The following CPNE8 variants were observed in gnomAD, a reference collection of about 807,000 sequenced individuals.
CPNE8 encodes copine 8, also known as copine-8.
In CPNE8, 45 loss-of-function variants were observed where a neutral mutation model predicts 81.5. That is an observed-to-expected ratio of 0.55 (90% CI 0.44 to 0.71). The LOEUF (loss-of-function observed/expected upper bound fraction) is 0.71. Among genes scored for constraint, CPNE8 ranks in the 30% least tolerant of loss-of-function variants. The pLI is 0.00. For synonymous variants in CPNE8, 252 were observed against 226.3 expected, an observed-to-expected ratio of 1.11 and a Z score of -1.02; for missense variants, 594 against 672.1, an observed-to-expected ratio of 0.88 and a Z score of 1.28.
chr12:38,827,013 CA>C (rs56670584), intron 6 of CPNE8, among the ~76,000 whole-genome samples: 34,841 of 91,672 alleles, frequency 0.38, 4,809 homozygotes, highest in Non-Finnish European at 0.45. Context: ...ACTAAAAATA[CA>C]AAAAAAAAAA....
chr12:38,691,513 A>G (rs1939675744), intron 15 of CPNE8, among the ~76,000 whole-genome samples: 1 of 152,192 alleles, frequency 6.6e-6, no homozygotes, highest in Non-Finnish European at 1.5e-5. Flanking sequence ...AAAGAAAAAC[A>G]AAAGTGCTTT....
chr12:38,724,014 C>CA (rs1376383134), intron 12 of CPNE8, among the ~76,000 whole-genome samples, 181 bp from the exon 13 acceptor site: 4 of 151,948 alleles, frequency 2.6e-5, no homozygotes, highest in Admixed American at 2.6e-4. Context: ...GGAAAGGGAC[C>CA]AAAAAAATTA....
intron 6 of CPNE8, among the ~76,000 whole-genome samples, chr12:38,795,868 G>GATAGATAGATAT (rs1327211591): frequency 1.3e-3 from 2 of 1,564 alleles, no homozygotes; most frequent in East Asian, 0.036. Flanking sequence ...TGGATGGATG[G>GATAGATAGATAT]ATAGATAGAT....
intron 13 of CPNE8, among the ~76,000 whole-genome samples, chr12:38,707,396 A>C (rs2136701374): frequency 6.6e-6 from 1 of 152,258 alleles, no homozygotes; most frequent in Non-Finnish European, 1.5e-5. Flanking sequence ...TTATGAAACC[A>C]TGTAGACTAT....
chr12:38,817,148 T>C (rs533279248), intron 6 of CPNE8, among the ~76,000 whole-genome samples: 23 of 152,274 alleles, frequency 1.5e-4, no homozygotes, highest in African/African-American at 5.3e-4. Flanking sequence ...TCTGTAGAGT[T>C]AGAGACTGGG....
intron 10 of CPNE8, among the ~76,000 whole-genome samples, chr12:38,734,581 C>A (rs1178821277): frequency 1.3e-5 from 2 of 151,982 alleles, no homozygotes; most frequent in Non-Finnish European, 2.9e-5. Flanking sequence ...ACATACCTAA[C>A]CCACCTCATC....
In CPNE8 at chr12:38,665,230, C is replaced by T. The variant is rs140322337; in HGVS notation, c.1506+5499G>A. On this transcript the variant is annotated intron_variant, in intron 19 of 19. Transcript: ENST00000331366. Reference sequence around the variant, plus strand: ...AGTCTCTCATTTCTGATCCCTGTACCTGAGAAACTTTTGTCCAAAATAATT... The same window carrying T: ...AGTCTCTCATTTCTGATCCCTGTACTTGAGAAACTTTTGTCCAAAATAATT... Among the ~76,000 whole-genome samples, 716 of 152,220 alleles carry T rather than the reference C, an allele frequency of 4.7e-3. 5 individuals carry two copies. The highest frequency in any genetic ancestry group is 0.016 in the African/African-American group (665 of 41,542).
intron 10 of CPNE8, among the ~76,000 whole-genome samples, chr12:38,759,420 C>T (rs1428069064): frequency 1.3e-5 from 2 of 152,100 alleles, no homozygotes; most frequent in African/African-American, 4.8e-5. Context: ...TTTAATAAAG[C>T]AATGGAGCAT....
chr12:38,881,054 C>CA (rs59401970), intron 1 of CPNE8, among the ~76,000 whole-genome samples: 6,941 of 151,732 alleles, frequency 0.046, 499 homozygotes, highest in East Asian at 0.32. Context: ...ACTAAAAATA[C>CA]AAAAAATTAG....
intron 19 of CPNE8, among the ~76,000 whole-genome samples, chr12:38,659,245 C>A (rs1249036940): frequency 6.7e-6 from 1 of 148,680 alleles, no homozygotes; most frequent in African/African-American, 2.4e-5. Context: ...GCGGGGATTG[C>A]AATGCTAGTC....
At chr12:38,796,547 A>G (rs561117285) in intron 6 of CPNE8, among the ~76,000 whole-genome samples, 1 of 152,304 alleles carries the variant, frequency 6.6e-6, no homozygotes, top group Non-Finnish European at 1.5e-5. Flanking sequence ...TATCAAGACT[A>G]TATAAAAAAG....
rs536047802 is a variant in CPNE8 at position 38,712,533 on chromosome 12, T to C, written c.915-9612A>G. Among the ~76,000 whole-genome samples the C allele has an allele frequency of 4.7e-4, 72 of 152,272 alleles. 4 individuals carry two copies. The South Asian group carries it at 0.015, about 31-fold the overall frequency. The stretch of plus-strand genomic sequence containing the variant: ...CAGGCTGCCACCAATTTTATAAAAC[T>C]AAATTAAATGTTTTACAGAGTCATT... On this transcript the variant is annotated intron_variant, in intron 13 of 19. Coordinates refer to ENST00000331366, the MANE Select transcript of CPNE8 (RefSeq NM_153634.3).
intron 13 of CPNE8, among the ~76,000 whole-genome samples, chr12:38,718,087 C>G (rs144364773): frequency 2.0e-5 from 3 of 150,850 alleles, no homozygotes; most frequent in African/African-American, 7.3e-5. Flanking sequence ...TTCAAATGTA[C>G]TAATAAATAT....
chr12:38,670,675 G>A, intron 19 of CPNE8, 54 bp downstream of exon 19: 1 of 1,235,744 alleles, frequency 8.1e-7, no homozygotes. Context: ...TTTTGTTAAA[G>A]ATCCCAATGA....
At chr12:38,659,524 A>G (rs1938902114) in intron 19 of CPNE8, among the ~76,000 whole-genome samples, 1 of 152,206 alleles carries the variant, frequency 6.6e-6, no homozygotes, top group South Asian at 2.1e-4. Flanking sequence ...CAGGAACTGA[A>G]CTCAGCTCTG....
At chr12:38,740,111 C>T (rs577875469) in intron 10 of CPNE8, among the ~76,000 whole-genome samples, 18 of 152,274 alleles carry the variant, frequency 1.2e-4, no homozygotes, top group African/African-American at 3.4e-4. Context: ...CATAAATCTT[C>T]ACATCCCTTG....
chr12:38,802,870 T>G (rs1270731216), intron 6 of CPNE8, among the ~76,000 whole-genome samples: 1 of 147,308 alleles, frequency 6.8e-6, no homozygotes. Flanking sequence ...CAGAGAATAC[T>G]ACAAACACCT....
intron 18 of CPNE8, among the ~76,000 whole-genome samples, chr12:38,675,180 T>G (rs759766241): frequency 3.9e-5 from 6 of 152,226 alleles, no homozygotes; most frequent in Non-Finnish European, 7.3e-5. Flanking sequence ...GTCAGCTCCA[T>G]TTTCATTTTA....
chr12:38,859,986 A>C (rs553610646), intron 3 of CPNE8, among the ~76,000 whole-genome samples: 50 of 152,270 alleles, frequency 3.3e-4, no homozygotes, highest in Middle Eastern at 6.8e-3. Flanking sequence ...TAAAAGTTTC[A>C]TGACATTGGT....
Sources: gnomAD v4.1 joint callset for allele counts (sites outside exome capture counted in the v4.1 genomes callset) on GRCh38, gnomAD v4.1.1 for gene constraint, MANE v1.5 for transcripts, NCBI Gene and HGNC (gene_info 2026-07-23, HGNC 2026-07-21) for gene names.